Variants in EYA4 observed in about 807,000 individuals in gnomAD.
EYA4 encodes EYA transcriptional coactivator and phosphatase 4.
EYA4 carries 31 observed loss-of-function variants against 87.9 expected under a neutral mutation model. That is an observed-to-expected ratio of 0.35 (90% confidence interval 0.27 to 0.48). The LOEUF is 0.48. Among genes scored for constraint, EYA4 ranks in the 20% least tolerant of loss-of-function variants. The pLI is 0.99. For synonymous variants in EYA4, 263 were observed against 270.6 expected, an observed-to-expected ratio of 0.97 and a Z score of 0.28; for missense variants, 678 against 761.4, an observed-to-expected ratio of 0.89 and a Z score of 1.29.
intron 1 of EYA4, among the ~76,000 whole-genome samples, chr6:133,242,957 A>G (rs983722113): frequency 6.6e-6 from 1 of 152,146 alleles, no homozygotes; most frequent in Admixed American, 6.5e-5. Context: ...GAGCGGGCCT[A>G]GAGAGTCATT....
intron 2 of EYA4, among the ~76,000 whole-genome samples, chr6:133,365,690 T>C (rs895290014): frequency 2.0e-5 from 3 of 151,988 alleles, no homozygotes; most frequent in Non-Finnish European, 4.4e-5. Context: ...CTAGTTTGAG[T>C]AATTTCAGTG....
chr6:133,386,844 T>C lies in EYA4; in HGVS notation c.83+4403T>C, dbSNP rs558131750. Among the ~76,000 whole-genome samples the C allele has an allele frequency of 2.6e-5, 4 of 152,282 alleles. No homozygotes were observed. The East Asian group carries it at 7.7e-4, about 29-fold the overall frequency. On this transcript the variant is annotated intron_variant, in intron 3 of 19. Coordinates refer to ENST00000355286, the MANE Select transcript of EYA4 (RefSeq NM_004100.5). Reference sequence around the variant, plus strand: ...AACTTGTGGTATGTATGAGCTAAGATGATAGTTTTTCCACATGGAGAATAA... The same window carrying C: ...AACTTGTGGTATGTATGAGCTAAGACGATAGTTTTTCCACATGGAGAATAA...
intron 3 of EYA4, among the ~76,000 whole-genome samples, chr6:133,390,700 A>G (rs1320779436): frequency 6.6e-6 from 1 of 152,192 alleles, no homozygotes; most frequent in African/African-American, 2.4e-5. Context: ...TCCATTTCCT[A>G]CATGTATCAT....
chr6:133,292,534 A>T lies in EYA4; in HGVS notation c.33+17721A>T, dbSNP rs573023517. ...ACATGGATTGAATGTTGATGTTGGG[A>T]TTTTAAACGGGAAGTTGCTTTGCTG... is the stretch of plus-strand genomic sequence containing the variant. On this transcript the variant is annotated intron_variant, in intron 2 of 19. Transcript: ENST00000355286. Among the ~76,000 whole-genome samples, 7 of 152,252 alleles carry T rather than the reference A, an allele frequency of 4.6e-5. No homozygotes were observed. The East Asian group carries it at 1.4e-3, about 29-fold the overall frequency.
At chr6:133,526,149 C>T (rs866308329) in intron 19 of EYA4, among the ~76,000 whole-genome samples, 5 of 152,266 alleles carry the variant, frequency 3.3e-5, no homozygotes, top group African/African-American at 1.2e-4. Flanking sequence ...CTGTCAACTC[C>T]ACCCTAAGAT....
intron 17 of EYA4, among the ~76,000 whole-genome samples, chr6:133,515,745 C>T (rs933308834): frequency 1.3e-5 from 2 of 151,912 alleles, no homozygotes; most frequent in African/African-American, 4.8e-5. Flanking sequence ...ATAATCCCCA[C>T]AGAATGGTTA....
chr6:133,447,414 G>A (rs919813957), intron 4 of EYA4, among the ~76,000 whole-genome samples: 3 of 151,888 alleles, frequency 2.0e-5, no homozygotes, highest in African/African-American at 7.3e-5. Flanking sequence ...AGAAAATATG[G>A]TCCAATTTTT....
At chr6:133,484,233 G>T (rs1191763656) in intron 13 of EYA4, among the ~76,000 whole-genome samples, 1 of 152,176 alleles carries the variant, frequency 6.6e-6, no homozygotes, top group Admixed American at 6.5e-5. Context: ...TATACTCAAA[G>T]TTGTATCTTT....
In EYA4 at chr6:133,446,728, C is replaced by T. The variant is rs778473535; in HGVS notation, c.182C>T (p.Thr61Ile). 6.8e-6 allele frequency: 11 copies of T among 1,613,884 alleles called. No individual in the cohort carries two copies. The Admixed American group carries it at 8.3e-5, about 12-fold the overall frequency. The change falls in exon 4 of 20, where the codon ACA becomes ATA. Residue 61 changes from threonine (T) to isoleucine (I), a missense_variant. Physicochemically the swap from Thr to Ile is moderately conservative, Grantham distance 89 (BLOSUM62 -1). Coordinates refer to ENST00000355286, the MANE Select transcript of EYA4 (RefSeq NM_004100.5). Reference sequence around the variant, plus strand: ...CTGGAAAAATCTAATCTCAGCAGCACATCAGTTACTACAAATGGGACAGGA... The same window carrying T: ...CTGGAAAAATCTAATCTCAGCAGCATATCAGTTACTACAAATGGGACAGGA... The part of the protein sequence containing the change: ...SKLEKSNLSS[T>I]SVTTNGTGGE...
chr6:133,444,173 C>A (rs1463315831), intron 3 of EYA4, among the ~76,000 whole-genome samples: 8 of 152,120 alleles, frequency 5.3e-5, no homozygotes, highest in Admixed American at 5.2e-4. Context: ...TCTGTTTCTT[C>A]CTTTAATTCT....
chr6:133,242,199 C>T (rs1774006805), intron 1 of EYA4, among the ~76,000 whole-genome samples: 1 of 152,184 alleles, frequency 6.6e-6, no homozygotes, highest in Non-Finnish European at 1.5e-5. Context: ...CCTAGATGGT[C>T]CAGGCGCGAG....
chr6:133,297,250 ATTCAGATTCAC>A lies in EYA4; in HGVS notation c.33+22440_33+22450del, dbSNP rs145171879. On this transcript the variant is annotated intron_variant, in intron 2 of 19. Coordinates refer to ENST00000355286, the MANE Select transcript of EYA4 (RefSeq NM_004100.5). ...ATTTGTGGGAATCCCTGGGGTCTGA[ATTCAGATTCAC>A]TTTTGTCAGACACTTGGAAACCCTA... Among the ~76,000 whole-genome samples the A allele has an allele frequency of 3.1e-3, 472 of 152,228 alleles. 2 individuals carry two copies. Among genetic ancestry groups the A allele is most frequent in the African/African-American group, 0.011 (444 of 41,552 alleles).
chr6:133,515,890 A>C lies in EYA4; in HGVS notation c.1616+455A>C, dbSNP rs527546895. On this transcript the variant is annotated intron_variant, in intron 17 of 19. Coordinates refer to ENST00000355286, the MANE Select transcript of EYA4 (RefSeq NM_004100.5). ...TAGGCCATAATGGATAATACACATA[A>C]TGTAAGCACATCAGAAAAGCAGGAG... Among the ~76,000 whole-genome samples the C allele has an allele frequency of 5.2e-4, 79 of 152,342 alleles. 1 individual carries two copies. In the South Asian group the frequency reaches 0.016, roughly 32 times the overall value.
At chr6:133,313,384 A>G (rs1439633181) in intron 2 of EYA4, among the ~76,000 whole-genome samples, 1 of 152,222 alleles carries the variant, frequency 6.6e-6, no homozygotes, top group Non-Finnish European at 1.5e-5. Flanking sequence ...GTATCTAGCC[A>G]CATGAAGTGA....
At chr6:133,476,734 A>G (rs1795771079) in intron 11 of EYA4, among the ~76,000 whole-genome samples, 1 of 152,080 alleles carries the variant, frequency 6.6e-6, no homozygotes, top group Non-Finnish European at 1.5e-5. Flanking sequence ...TATCTCTTCA[A>G]CATACTGATT....
chr6:133,413,493 A>G (rs759865488), intron 3 of EYA4, among the ~76,000 whole-genome samples: 1 of 151,908 alleles, frequency 6.6e-6, no homozygotes, highest in African/African-American at 2.4e-5. Flanking sequence ...TGACGTGTTA[A>G]CTACTTCTTA....
chr6:133,500,736 C>T (rs1798046745), intron 13 of EYA4, among the ~76,000 whole-genome samples: 1 of 152,098 alleles, frequency 6.6e-6, no homozygotes, highest in Non-Finnish European at 1.5e-5. Context: ...GAAAGGACTT[C>T]TTTCGCTAAG....
intron 9 of EYA4, among the ~76,000 whole-genome samples, chr6:133,463,880 A>G (rs1167493715): frequency 1.3e-5 from 2 of 152,128 alleles, no homozygotes; most frequent in Admixed American, 6.6e-5. Flanking sequence ...TTTTTTACCT[A>G]GAATGTAGGT....
chr6:133,257,892 T>C (rs1775467481), intron 1 of EYA4, among the ~76,000 whole-genome samples: 1 of 112,606 alleles, frequency 8.9e-6, no homozygotes, highest in Non-Finnish European at 2.3e-5. Flanking sequence ...CTATTGACTA[T>C]TTATGCACTC....
Sources: gnomAD v4.1 joint callset for allele counts (sites outside exome capture counted in the v4.1 genomes callset) on GRCh38, gnomAD v4.1.1 for gene constraint, MANE v1.5 for transcripts, NCBI Gene and HGNC (gene_info 2026-07-23, HGNC 2026-07-21) for gene names.